QPCTL: variants seen among roughly 807,000 people sequenced by gnomAD.
QPCTL encodes glutaminyl-peptide cyclotransferase like, also known as glutaminyl-peptide cyclotransferase-like protein.
Under a neutral mutation model 34.6 loss-of-function variants are expected in QPCTL, and 31 were observed. That is an observed-to-expected ratio of 0.90 (90% CI 0.67 to 1.21). The LOEUF is 1.21. QPCTL is among the 50% of genes most tolerant of loss of function. QPCTL has a pLI of 0.00. For missense variants in QPCTL, 474 were observed against 507.8 expected (o/e 0.93, Z 0.64); for synonymous variants, 223 against 226.9 (o/e 0.98, Z 0.15).
intron 2 of QPCTL, among the ~76,000 whole-genome samples, chr19:45,694,168 T>A (rs1471750023): frequency 6.6e-6 from 1 of 152,098 alleles, no homozygotes; most frequent in South Asian, 2.1e-4. Flanking sequence ...TCCCTCGAGA[T>A]CAGGAGTTTG....
At position 45,701,781 on chromosome 19, in the gene QPCTL, A is replaced by G. The variant is rs1277607734; in HGVS notation, c.887-17A>G. 6.3e-7 allele frequency: 1 copy of G among 1,592,874 alleles called. No homozygotes were observed. Among genetic ancestry groups the G allele is most frequent in the South Asian group, 1.1e-5 (1 of 89,994 alleles). On this transcript the variant is annotated splice_polypyrimidine_tract_variant and intron_variant, in intron 5 of 6. Transcript: ENST00000012049. Reference sequence around the variant, plus strand: ...ACTAAGGACTAACCCTTCCTCTCTAATCGCCCCCACTTCCAGAGAAGCGTC... The same window carrying G: ...ACTAAGGACTAACCCTTCCTCTCTAGTCGCCCCCACTTCCAGAGAAGCGTC...
intron 5 of QPCTL, 63 bp downstream of exon 5, chr19:45,698,963 TG>T: frequency 6.8e-7 from 1 of 1,474,552 alleles, no homozygotes; most frequent in Non-Finnish European, 9.4e-7. Flanking sequence ...GGCGGTGGGC[TG>T]GGGTAGGACA....
rs1404350879 is a variant in QPCTL, at chr19:45,703,405, A to C, written c.*356A>C. 1 of 167,898 alleles carries C rather than the reference A, an allele frequency of 6.0e-6. No homozygotes were observed. Among genetic ancestry groups the C allele is most frequent in the Non-Finnish European group, 1.3e-5 (1 of 77,694 alleles). 10.4% of individuals were successfully genotyped at this position (167,898 alleles called of 1,614,324 possible). A position where few individuals can be genotyped will look rare whatever the true frequency, so the allele number is the denominator to read the frequency against. On this transcript the variant is annotated 3_prime_UTR_variant, in exon 7 of 7. Coordinates refer to ENST00000012049, the MANE Select transcript of QPCTL (RefSeq NM_017659.4). ...GAGTGCAGTGGTGCGATCTCGGCTCACTGCAAACTCCGCCTCCTGGGTTCA... is the reference window on the plus strand; with the variant it reads ...GAGTGCAGTGGTGCGATCTCGGCTCCCTGCAAACTCCGCCTCCTGGGTTCA...
intron 3 of QPCTL, among the ~76,000 whole-genome samples, chr19:45,698,208 T>C (rs896662666): frequency 2.6e-5 from 4 of 151,128 alleles, no homozygotes; most frequent in African/African-American, 9.7e-5. Context: ...CAAGATTGCA[T>C]CATTCCACTC....
chr19:45,695,807 C>T, intron 3 of QPCTL, 89 bp downstream of exon 3: 19 of 1,403,602 alleles, frequency 1.4e-5, no homozygotes, highest in Non-Finnish European at 1.8e-5. Context: ...TGTCATCCCT[C>T]TCGTCTTCCC....
intron 3 of QPCTL, among the ~76,000 whole-genome samples, chr19:45,698,177 G>C (rs112860122): frequency 2.0e-5 from 3 of 151,858 alleles, no homozygotes; most frequent in Admixed American, 6.6e-5. Context: ...TGGGAGGTAG[G>C]GGGTGGAGGT....
Position 45,695,676 on chromosome 19 carries a change from G to A in QPCTL, c.591G>A (p.Leu197=), listed in dbSNP as rs1967677830. Residue 197 remains leucine, a synonymous_variant, in exon 3 of 7, where the codon CTG becomes CTA. Coordinates refer to ENST00000012049, the MANE Select transcript of QPCTL (RefSeq NM_017659.4). ...TGCCCTGTGCCCTGCTGCTGGAGCT[G>A]GCCCAAGCACTTGACCTGGAGCTGA... The part of the protein sequence containing the change: ...SAVPCALLLE[L]AQALDLELSR... The A allele has an allele frequency of 2.5e-6, 4 of 1,613,352 alleles. No individual in the cohort carries two copies. The East Asian group carries it at 8.9e-5, about 36-fold the overall frequency.
chr19:45,700,184 C>T (rs946389391), intron 5 of QPCTL, among the ~76,000 whole-genome samples: 3 of 151,936 alleles, frequency 2.0e-5, no homozygotes, highest in East Asian at 1.9e-4. Context: ...CAATGGTTCA[C>T]GCCTGTAATC....
intron 3 of QPCTL, 150 bp downstream of exon 3, chr19:45,695,868 G>C (rs572391887): frequency 1.4e-5 from 14 of 1,030,540 alleles, no homozygotes; most frequent in Admixed American, 2.9e-5. Flanking sequence ...TTTTTGAGAC[G>C]GAGTTTCGCT....
chr19:45,702,171 G>C (rs1369191032), intron 6 of QPCTL, among the ~76,000 whole-genome samples: 2 of 152,052 alleles, frequency 1.3e-5, no homozygotes, highest in African/African-American at 2.4e-5. Context: ...AATGTTTGCA[G>C]CTGGGCACGG....
intron 5 of QPCTL, 100 bp from the exon 6 acceptor site, chr19:45,701,698 G>A (rs780827328): frequency 4.6e-6 from 4 of 867,946 alleles, no homozygotes; most frequent in Non-Finnish European, 5.5e-6. Context: ...GGGCTGACCA[G>A]GGCTTTGTCT....
At chr19:45,695,186 TGA>T (rs1291906382) in intron 2 of QPCTL, among the ~76,000 whole-genome samples, 1 of 151,866 alleles carries the variant, frequency 6.6e-6, no homozygotes, top group African/African-American at 2.4e-5. Flanking sequence ...CTCAGGAGGC[TGA>T]GTCAGGAGAA....
At chr19:45,699,653 A>G (rs987948141) in intron 5 of QPCTL, among the ~76,000 whole-genome samples, 10 of 151,516 alleles carry the variant, frequency 6.6e-5, no homozygotes, top group Non-Finnish European at 1.5e-4. Flanking sequence ...ACATTAGGCC[A>G]GGCGCGATGG....
At chr19:45,700,443 C>CTAAATAAATAAATAAATAAACAAA (rs1967788013) in intron 5 of QPCTL, among the ~76,000 whole-genome samples, 6 of 151,428 alleles carry the variant, frequency 4.0e-5, no homozygotes, top group Admixed American at 4.0e-4. Flanking sequence ...GACTCTGTCA[C>CTAAATAAATAAATAAATAAACAAA]TAAATAAATA....
At chr19:45,699,792 C>T (rs1414434082) in intron 5 of QPCTL, among the ~76,000 whole-genome samples, 4 of 151,856 alleles carry the variant, frequency 2.6e-5, no homozygotes, top group African/African-American at 4.8e-5. Flanking sequence ...GTTAGCTGGG[C>T]GTGGTGACAT....
At position 45,695,471 on chromosome 19, in the gene QPCTL, G is replaced by T; in HGVS notation, c.386G>T (p.Gly129Val). The T allele has an allele frequency of 6.2e-7, 1 of 1,613,766 alleles. No individual in the cohort carries two copies. The change falls in exon 3 of 7, where the codon GGT becomes GTT. Residue 129 changes from glycine to valine, a missense_variant. Coordinates refer to ENST00000012049, the MANE Select transcript of QPCTL (RefSeq NM_017659.4). ...GCCACGCTGCGGTCCCTGACAGCAG[G>T]TTGGCACGTGGAGCTGGATCCCTTC... ...LEATLRSLTA[G>V]WHVELDPFTA...
At position 45,692,808 on chromosome 19, in the gene QPCTL, C is replaced by T. The variant is rs1262164591; in HGVS notation, c.105C>T (p.Leu35=). Residue 35 remains leucine, a synonymous_variant, in exon 1 of 7, where the codon CTC becomes CTT. Transcript: ENST00000012049. ...GCCGCCTGCTACCGCGGGTTCGGCT[C>T]TTGCCTCTGTTGCTGGCGCTGGCCG... ...PKRRLLPRVR[L]LPLLLALAVG... is the part of the protein sequence containing the mutation. The T allele has an allele frequency of 2.5e-6, 4 of 1,579,512 alleles. No individual in the cohort carries two copies. Among genetic ancestry groups the T allele is most frequent in the Non-Finnish European group, 3.4e-6 (4 of 1,162,668 alleles).
chr19:45,693,446 C>G lies in QPCTL; in HGVS notation c.241C>G (p.Leu81Val). 1 of 1,612,594 alleles carries G rather than the reference C, an allele frequency of 6.2e-7. No homozygotes were observed. The highest frequency in any genetic ancestry group is 1.3e-5 in the African/African-American group (1 of 74,992). ...PLIGSLPEAR[L>V]RRVVGQLDPQ... is the part of the protein sequence containing the mutation. ...GATCGGAAGCCTCCCCGAAGCCCGG[C>G]TGCGGAGGGTGGTGGGACAACTGGA... Residue 81 changes from leucine to valine, a missense_variant, in exon 2 of 7, where the codon CTG (leucine) becomes GTG (valine). Coordinates refer to ENST00000012049, the MANE Select transcript of QPCTL (RefSeq NM_017659.4).
At position 45,692,720 on chromosome 19, in the gene QPCTL, G is replaced by A; in HGVS notation, c.17G>A (p.Arg6His). Residue 6 changes from arginine (R) to histidine (H), a missense_variant, in exon 1 of 7, where the codon CGC becomes CAC. By Grantham distance (29) the Arg-to-His change is conservative. Transcript: ENST00000012049. Reference protein sequence around the residue: MRSGGRGRPRLRLGER... With the variant: MRSGGHGRPRLRLGER... ...AAAGCGGCCATGCGTTCCGGGGGCC[G>A]CGGGCGACCCCGCCTGCGGCTGGGG... 2.6e-6 allele frequency: 4 copies of A among 1,551,182 alleles called. No individual in the cohort carries two copies. The highest frequency in any genetic ancestry group is 4.8e-5 in the East Asian group (2 of 41,930).
Sources: allele counts gnomAD v4.1 joint callset (sites outside exome capture counted in the v4.1 genomes callset), GRCh38; gene constraint gnomAD v4.1.1; transcripts MANE v1.5; gene names NCBI Gene and HGNC (gene_info 2026-07-23, HGNC 2026-07-21).